XRCC4: variants seen among roughly 807,000 people sequenced by gnomAD.
XRCC4 encodes X-ray repair cross complementing 4.
XRCC4 carries 28 observed loss-of-function variants against 39.1 expected under a neutral mutation model. The observed-to-expected ratio is 0.72, with a 90% CI of 0.53 to 0.98. XRCC4 has a LOEUF of 0.98. Ranked by LOEUF, XRCC4 falls within the 50% of genes least tolerant of loss-of-function variation. XRCC4 has a pLI of 0.00. For missense variants in XRCC4, 350 were observed against 376.4 expected, an observed-to-expected ratio of 0.93 and a Z score of 0.58; for synonymous variants, 123 against 126.4, an observed-to-expected ratio of 0.97 and a Z score of 0.18.
chr5:83,310,744 A>G (rs946622187), intron 7 of XRCC4: 1 of 456,038 alleles, frequency 2.2e-6, no homozygotes, highest in Non-Finnish European at 4.4e-6. Flanking sequence ...GTTATTCTGG[A>G]TTATCTGGAT....
intron 3 of XRCC4, among the ~76,000 whole-genome samples, chr5:83,114,571 C>T (rs1746618127): frequency 6.6e-6 from 1 of 152,200 alleles, no homozygotes; most frequent in Non-Finnish European, 1.5e-5. Context: ...CCACCTAAGC[C>T]TGGACTTCGT....
chr5:83,283,493 A>G (rs968558513), intron 7 of XRCC4, among the ~76,000 whole-genome samples: 4 of 152,182 alleles, frequency 2.6e-5, no homozygotes, highest in African/African-American at 9.6e-5. Context: ...TGTTTAAAAA[A>G]CTTTGTCACA....
chr5:83,279,114 T>C (rs1273558299), intron 7 of XRCC4, among the ~76,000 whole-genome samples: 1 of 147,664 alleles, frequency 6.8e-6, no homozygotes, highest in African/African-American at 2.5e-5. Context: ...TATTTATATC[T>C]ATATCAGTTT....
chr5:83,095,908 A>G (rs1024378061), intron 1 of XRCC4, among the ~76,000 whole-genome samples: 8 of 151,944 alleles, frequency 5.3e-5, no homozygotes, highest in African/African-American at 1.9e-4. Flanking sequence ...CAGCAAGAGG[A>G]TTGGAGCTGA....
At chr5:83,365,854 C>A in the XRCC4 span, among the ~76,000 whole-genome samples, 1 of 152,176 alleles carries the variant, frequency 6.6e-6, no homozygotes, top group African/African-American at 2.4e-5. Context: ...TTCTTGGAGA[C>A]TTGGTGACAA....
At chr5:83,362,270 TTGTC>T in the XRCC4 span, among the ~76,000 whole-genome samples, 1 of 138,072 alleles carries the variant, frequency 7.2e-6, no homozygotes, top group Non-Finnish European at 1.5e-5. Flanking sequence ...GAGGAAAACA[TTGTC>T]TGTCCAAGTG....
At chr5:83,114,437 C>G (rs550099833) in intron 3 of XRCC4, among the ~76,000 whole-genome samples, 5 of 152,290 alleles carry the variant, frequency 3.3e-5, no homozygotes, top group Non-Finnish European at 5.9e-5. Context: ...GCTAGATACC[C>G]TAAGTCATTT....
At chr5:83,178,281 T>A (rs1750052102) in intron 3 of XRCC4, among the ~76,000 whole-genome samples, 2 of 152,138 alleles carry the variant, frequency 1.3e-5, no homozygotes, top group Admixed American at 6.6e-5. Flanking sequence ...AGTGTATGGA[T>A]ATGAAGGTCA....
chr5:83,311,891 T>C (rs755905681), intron 7 of XRCC4, among the ~76,000 whole-genome samples: 2 of 152,130 alleles, frequency 1.3e-5, no homozygotes, highest in Non-Finnish European at 2.9e-5. Flanking sequence ...TTTTAATATA[T>C]TTTATAAAAG....
chr5:83,269,206 A>G (rs1754054520), intron 7 of XRCC4, among the ~76,000 whole-genome samples: 1 of 152,124 alleles, frequency 6.6e-6, no homozygotes, highest in Non-Finnish European at 1.5e-5. Flanking sequence ...TTGGCATTAC[A>G]TATTATCCTT....
chr5:83,320,919 C>T (rs1756050164), intron 7 of XRCC4, among the ~76,000 whole-genome samples: 1 of 145,174 alleles, frequency 6.9e-6, no homozygotes, highest in Admixed American at 7.2e-5. Flanking sequence ...TCAAGCAATT[C>T]TTCTGCCTCA....
intron 3 of XRCC4, among the ~76,000 whole-genome samples, chr5:83,117,735 A>T (rs1746802919): frequency 7.2e-6 from 1 of 138,132 alleles, no homozygotes; most frequent in South Asian, 2.3e-4. Context: ...TTTTTAAAAA[A>T]ATTAATTTAA....
chr5:83,157,363 C>T (rs1002360829), intron 3 of XRCC4, among the ~76,000 whole-genome samples: 21 of 152,122 alleles, frequency 1.4e-4, no homozygotes, highest in Admixed American at 3.3e-4. Context: ...TGTTTGTTTC[C>T]AGAGTAACTG....
chr5:83,335,405 T>C (rs1756564690), intron 7 of XRCC4, among the ~76,000 whole-genome samples: 1 of 151,896 alleles, frequency 6.6e-6, no homozygotes, highest in Admixed American at 6.6e-5. Flanking sequence ...ACACATTTAA[T>C]AGTATTTTAT....
chr5:83,267,075 T>C (rs1442336608), intron 7 of XRCC4, among the ~76,000 whole-genome samples: 1 of 152,178 alleles, frequency 6.6e-6, no homozygotes, highest in Non-Finnish European at 1.5e-5. Context: ...ATAGTAGGTA[T>C]GAAAGCTATG....
intron 3 of XRCC4, among the ~76,000 whole-genome samples, chr5:83,187,670 A>G (rs1750514813): frequency 6.6e-6 from 1 of 152,204 alleles, no homozygotes; most frequent in African/African-American, 2.4e-5. Flanking sequence ...GATGTCATAA[A>G]TTAAAGAAAT....
intron 3 of XRCC4, among the ~76,000 whole-genome samples, chr5:83,142,240 A>T (rs900158058): frequency 4.6e-5 from 7 of 151,650 alleles, no homozygotes; most frequent in Non-Finnish European, 8.8e-5. Context: ...TGCCCTGTAC[A>T]TGAAACTCTG....
chr5:83,289,228 G>A (rs1191709318), intron 7 of XRCC4, among the ~76,000 whole-genome samples: 4 of 151,338 alleles, frequency 2.6e-5, no homozygotes, highest in East Asian at 1.9e-4. Flanking sequence ...TTACTTTACC[G>A]TGTCTGATGA....
intron 6 of XRCC4, among the ~76,000 whole-genome samples, chr5:83,244,503 C>T (rs1232309357): frequency 2.0e-5 from 3 of 152,202 alleles, no homozygotes; most frequent in African/African-American, 7.2e-5. Context: ...CTTGAGTTAG[C>T]TGTTTTCTGC....
Sources: gnomAD v4.1 joint callset for allele counts (sites outside exome capture counted in the v4.1 genomes callset) on GRCh38, gnomAD v4.1.1 for gene constraint, MANE v1.5 for transcripts, NCBI Gene and HGNC (gene_info 2026-07-23, HGNC 2026-07-21) for gene names.